The following XKR4 variants were observed in gnomAD, a reference collection of about 807,000 sequenced individuals.
XKR4 encodes XK-related protein 4.
Under a neutral mutation model 53.9 loss-of-function variants are expected in XKR4, and 12 were observed. That is an observed-to-expected ratio of 0.22 (90% CI 0.14 to 0.36). The LOEUF is 0.36. Among genes scored for constraint, XKR4 ranks in the 10% least tolerant of loss-of-function variants. The pLI, the probability that XKR4 is intolerant of heterozygous loss-of-function variation, is 1.00. For missense variants in XKR4, 799 were observed against 859.5 expected, an observed-to-expected ratio of 0.93 and a Z score of 0.88; for synonymous variants, 354 against 362.4, an observed-to-expected ratio of 0.98 and a Z score of 0.26.
At chr8:55,143,532 T>C (rs919198038) in intron 1 of XKR4, among the ~76,000 whole-genome samples, 2 of 152,224 alleles carry the variant, frequency 1.3e-5, no homozygotes, top group Non-Finnish European at 2.9e-5. Context: ...ATCTGTGTAA[T>C]GCAATAACTA....
At chr8:55,510,346 C>G (rs1008654481) in intron 2 of XKR4, among the ~76,000 whole-genome samples, 1 of 152,150 alleles carries the variant, frequency 6.6e-6, no homozygotes, top group Admixed American at 6.5e-5. Context: ...AGGCGCAATT[C>G]TGGAAGGACT....
At chr8:55,132,827 C>T (rs188198761) in intron 1 of XKR4, among the ~76,000 whole-genome samples, 2 of 152,228 alleles carry the variant, frequency 1.3e-5, no homozygotes, top group East Asian at 1.9e-4. Flanking sequence ...AATGGGCGTC[C>T]GAGGCCCAGG....
intron 1 of XKR4, among the ~76,000 whole-genome samples, chr8:55,110,206 A>G (rs941975787): frequency 6.6e-6 from 1 of 152,144 alleles, no homozygotes; most frequent in Non-Finnish European, 1.5e-5. Context: ...TGTTGTTGGA[A>G]TTTAGGGAAA....
rs80188602 is a variant in XKR4 at position 55,134,534 on chromosome 8, C to A, written c.806+31240C>A. ...TGCATTCACTCTCTCTCTGTTCATT[C>A]TTCCCAGCATGGCAATGAGCTCCAT... On this transcript the variant is annotated intron_variant, in intron 1 of 2. Transcript: ENST00000327381. 3.9e-3 allele frequency among the ~76,000 whole-genome samples: 589 copies of A among 152,338 alleles called. 1 individual carries two copies. The highest frequency in any genetic ancestry group is 6.8e-3 in the South Asian group (33 of 4,824).
chr8:55,114,579 G>A (rs949016945), intron 1 of XKR4, among the ~76,000 whole-genome samples: 15 of 152,290 alleles, frequency 9.8e-5, no homozygotes, highest in Admixed American at 3.3e-4. Flanking sequence ...TTGAAGAGGT[G>A]GGTGAGAATC....
intron 1 of XKR4, among the ~76,000 whole-genome samples, chr8:55,155,112 T>A (rs1192255016): frequency 6.6e-6 from 1 of 152,166 alleles, no homozygotes; most frequent in Non-Finnish European, 1.5e-5. Flanking sequence ...ATTCAGAGGC[T>A]TTGGACATGA....
rs1313727834 is a variant in XKR4, at chr8:55,526,081, G to A, written c.*1854G>A. The A allele has an allele frequency of 6.6e-6, 1 of 152,642 alleles. No individual in the cohort carries two copies. The highest frequency in any genetic ancestry group is 1.5e-5 in the Non-Finnish European group (1 of 68,038). The allele number at this position is 152,642 out of a possible 1,614,324, so 9.5% of individuals were successfully genotyped here. On this transcript the variant is annotated 3_prime_UTR_variant, in exon 3 of 3. Transcript: ENST00000327381. ...TATAACAAACCTGACCACAGTGGAA[G>A]CTGTCTTAAACTTCCTTCCCTGGTT...
chr8:55,388,246 A>G (rs1304183535), intron 2 of XKR4, among the ~76,000 whole-genome samples: 1 of 152,202 alleles, frequency 6.6e-6, no homozygotes, highest in Non-Finnish European at 1.5e-5. Flanking sequence ...TCTAAATTAT[A>G]GGTATCCTGG....
In XKR4 at chr8:55,201,947, G is replaced by A. The variant is rs927502067; in HGVS notation, c.806+98653G>A. Reference sequence around the variant, plus strand: ...ATCAGGTGTCCTCTATTAAAAAGGAGTGTCTTTCTTCGGTTGCTAAAACTG... The same window carrying A: ...ATCAGGTGTCCTCTATTAAAAAGGAATGTCTTTCTTCGGTTGCTAAAACTG... On this transcript the variant is annotated intron_variant, in intron 1 of 2. Transcript: ENST00000327381. Among the ~76,000 whole-genome samples, 6 of 152,300 alleles carry A rather than the reference G, an allele frequency of 3.9e-5. No individual in the cohort carries two copies. The East Asian group carries it at 1.2e-3, about 29-fold the overall frequency.
Position 55,121,157 on chromosome 8 carries a change from G to T in XKR4, c.806+17863G>T, listed in dbSNP as rs564559088. 1.9e-4 allele frequency among the ~76,000 whole-genome samples: 29 copies of T among 152,314 alleles called. No individual in the cohort carries two copies. The East Asian group carries it at 5.2e-3, about 27-fold the overall frequency. On this transcript the variant is annotated intron_variant, in intron 1 of 2. Transcript: ENST00000327381. ...GTTGCTTCCAAATTGTGGCAATTATGAGCAAGGCTGCTATAAACATCTGTA... is the reference window on the plus strand; with the variant it reads ...GTTGCTTCCAAATTGTGGCAATTATTAGCAAGGCTGCTATAAACATCTGTA...
At chr8:55,420,676 C>G (rs1035890732) in intron 2 of XKR4, among the ~76,000 whole-genome samples, 3 of 151,320 alleles carry the variant, frequency 2.0e-5, no homozygotes, top group Non-Finnish European at 4.4e-5. Context: ...GGGAGATATA[C>G]CTAATGCTAG....
chr8:55,209,619 A>G (rs533360433), intron 1 of XKR4, among the ~76,000 whole-genome samples: 5 of 152,294 alleles, frequency 3.3e-5, no homozygotes, highest in Admixed American at 1.3e-4. Context: ...GGGGAAGCCA[A>G]CTTTCTCAGG....
intron 1 of XKR4, among the ~76,000 whole-genome samples, chr8:55,299,226 T>G (rs972084283): frequency 6.6e-6 from 1 of 152,182 alleles, no homozygotes; most frequent in African/African-American, 2.4e-5. Context: ...CTAATTTTAA[T>G]AAGTAGGTGA....
intron 1 of XKR4, among the ~76,000 whole-genome samples, chr8:55,130,832 C>T (rs768041867): frequency 1.3e-5 from 2 of 152,104 alleles, no homozygotes; most frequent in South Asian, 2.1e-4. Context: ...TGACCTTTCA[C>T]GGCCTTGCTA....
chr8:55,179,498 G>C (rs1009871337), intron 1 of XKR4, among the ~76,000 whole-genome samples: 3 of 152,174 alleles, frequency 2.0e-5, no homozygotes, highest in Non-Finnish European at 4.4e-5. Flanking sequence ...TTGATCATTA[G>C]AAAGTAATCT....
intron 1 of XKR4, among the ~76,000 whole-genome samples, chr8:55,234,830 A>G (rs1255991917): frequency 6.6e-6 from 1 of 152,210 alleles, no homozygotes; most frequent in East Asian, 1.9e-4. Context: ...CTCTCAGGAC[A>G]TAGCGCAGAC....
chr8:55,220,511 G>A (rs1385161262), intron 1 of XKR4, among the ~76,000 whole-genome samples: 1 of 152,100 alleles, frequency 6.6e-6, no homozygotes, highest in African/African-American at 2.4e-5. Flanking sequence ...CACCAACTAG[G>A]CTTCATGACT....
chr8:55,462,654 G>T (rs7835092), intron 2 of XKR4, among the ~76,000 whole-genome samples: 61,196 of 151,898 alleles, frequency 0.4, 13,059 homozygotes, highest in East Asian at 0.53. Flanking sequence ...TGGGCTAAAT[G>T]CTCCAATTAA....
At chr8:55,287,512 C>A (rs1159026920) in intron 1 of XKR4, among the ~76,000 whole-genome samples, 1 of 152,182 alleles carries the variant, frequency 6.6e-6, no homozygotes, top group African/African-American at 2.4e-5. Context: ...AGCCAGGGAA[C>A]CCAGAGCAAA....
Sources: allele counts gnomAD v4.1 joint callset (sites outside exome capture counted in the v4.1 genomes callset), GRCh38; gene constraint gnomAD v4.1.1; transcripts MANE v1.5; gene names NCBI Gene and HGNC (gene_info 2026-07-23, HGNC 2026-07-21).